Variants in RNF216 observed in about 807,000 individuals in gnomAD.
The protein encoded by RNF216 is ring finger protein 216.
Under a neutral mutation model 110.8 loss-of-function variants are expected in RNF216, and 72 were observed. That is an observed-to-expected ratio of 0.65 (90% CI 0.54 to 0.79). The LOEUF (loss-of-function observed/expected upper bound fraction) is 0.79. Among genes scored for constraint, RNF216 ranks in the 30% least tolerant of loss-of-function variants. The pLI is 0.00. For missense variants in RNF216, 1,342 were observed against 1,141.2 expected (o/e 1.18, Z -2.54); for synonymous variants, 495 against 407.5 (o/e 1.21, Z -2.59).
intron 13 of RNF216, among the ~76,000 whole-genome samples, chr7:5,683,756 T>C (rs1018947517): frequency 6.6e-6 from 1 of 152,164 alleles, no homozygotes; most frequent in Admixed American, 6.5e-5. Flanking sequence ...AGCACAGCAG[T>C]AGATAATCAA....
rs375324333 is a variant in RNF216 at position 5,689,598 on chromosome 7, T to C, written c.2061+22163A>G. Among the ~76,000 whole-genome samples the C allele has an allele frequency of 2.0e-5, 3 of 151,986 alleles. No individual in the cohort carries two copies. The East Asian group carries it at 5.8e-4, about 29-fold the overall frequency. On this transcript the variant is annotated intron_variant, in intron 13 of 16. Coordinates refer to ENST00000389902, the MANE Select transcript of RNF216 (RefSeq NM_207111.4). ...AGTTTTTAAAGCATAAGAAATGTAG[T>C]TTTAGGGCTGTAATTACATGATAGA... is the stretch of plus-strand genomic sequence containing the variant.
chr7:5,689,501 A>T (rs1791194675), intron 13 of RNF216, among the ~76,000 whole-genome samples: 1 of 150,808 alleles, frequency 6.6e-6, no homozygotes, highest in Non-Finnish European at 1.5e-5. Context: ...GCCATTTTCT[A>T]AAAAAAAACA....
intron 8 of RNF216, among the ~76,000 whole-genome samples, chr7:5,722,824 C>T (rs1410339913): frequency 6.6e-6 from 1 of 150,856 alleles, no homozygotes; most frequent in East Asian, 1.9e-4. Context: ...GAGTTCGAGA[C>T]CAACCTGTCC....
intron 9 of RNF216, among the ~76,000 whole-genome samples, chr7:5,719,077 T>C (rs1021421499): frequency 1.3e-5 from 2 of 152,134 alleles, no homozygotes; most frequent in African/African-American, 4.8e-5. Flanking sequence ...CCAAGACTTT[T>C]AGCATCAGAG....
At chr7:5,724,593 A>G (rs146988588) in intron 8 of RNF216, among the ~76,000 whole-genome samples, 2,617 of 152,332 alleles carry the variant, frequency 0.017, 31 homozygotes, top group Non-Finnish European at 0.028. Context: ...GAACCTCAGG[A>G]GTCACAGCCT....
intron 15 of RNF216, among the ~76,000 whole-genome samples, chr7:5,628,602 A>G (rs1057228676): frequency 2.0e-5 from 3 of 151,998 alleles, no homozygotes; most frequent in African/African-American, 7.2e-5. Context: ...AGATCACTGC[A>G]GCCTCCACCT....
In RNF216 at chr7:5,741,632, C is replaced by G; in HGVS notation, c.385G>C (p.Asp129His). Residue 129 changes from aspartate (D) to histidine (H), a missense_variant, in exon 4 of 17, where the codon GAT becomes CAT. Coordinates refer to ENST00000389902, the MANE Select transcript of RNF216 (RefSeq NM_207111.4). ...AGATCCAGAAATTCACCGTAGTCAT[C>G]CTCAGAATCATCCTGTGCCCCAGAA... ...FDSGAQDDSE[D>H]DYGEFLDLGP... is the part of the protein sequence containing the mutation. 6.2e-7 allele frequency: 1 copy of G among 1,614,120 alleles called. No individual in the cohort carries two copies. Among genetic ancestry groups the G allele is most frequent in the African/African-American group, 1.3e-5 (1 of 75,006 alleles).
rs1786562297 is a variant in RNF216 at position 5,624,119 on chromosome 7, C to T, written c.2389G>A (p.Asp797Asn). The T allele has an allele frequency of 6.2e-7, 1 of 1,613,324 alleles. No individual in the cohort carries two copies. Among genetic ancestry groups the T allele is most frequent in the Non-Finnish European group, 8.5e-7 (1 of 1,179,866 alleles). The change falls in exon 16 of 17, where the codon GAT (aspartate) becomes AAT (asparagine). Residue 797 changes from aspartate to asparagine, a missense_variant. Transcript: ENST00000389902. This position sits in a 1 kb window ranked among gnomAD's most constrained non-coding sequence, Gnocchi z 4.4. ...TGGATTTCCTCAATAAGCTTCTCAT[C>T]ATCTTCCTAAAACGCAAGCAATGAG... is the stretch of plus-strand genomic sequence containing the variant. ...CSLWTDPTEDDEKLIEEIQKE... is the reference protein window; with the variant it reads ...CSLWTDPTEDNEKLIEEIQKE...
At chr7:5,660,458 A>G (rs184669995) in intron 13 of RNF216, among the ~76,000 whole-genome samples, 2 of 150,244 alleles carry the variant, frequency 1.3e-5, no homozygotes, top group African/African-American at 4.9e-5. Context: ...CACCTGGCTA[A>G]TTTTTCTATT....
chr7:5,623,819 A>ACC (rs1170658106), intron 16 of RNF216, among the ~76,000 whole-genome samples: 1 of 151,824 alleles, frequency 6.6e-6, no homozygotes, highest in African/African-American at 2.4e-5. Context: ...GCTCAAACCC[A>ACC]CCCCTTGGGA....
rs868088082 is a variant in RNF216 at position 5,666,161 on chromosome 7, G to A, written c.2062-13651C>T. Among the ~76,000 whole-genome samples, 402 of 135,342 alleles carry A rather than the reference G, an allele frequency of 3.0e-3. 3 individuals are homozygous for A. Among genetic ancestry groups the A allele is most frequent in the Non-Finnish European group, 4.6e-3 (295 of 64,744 alleles). The allele number at this position is 135,342 out of a possible 152,430, so 88.8% of individuals were successfully genotyped here. ...AGCCTGGGCGACAGAGTGAGACTCCGTCTCAAAAAAAAAAAAAAAAAAAAT... is the reference window on the plus strand; with the variant it reads ...AGCCTGGGCGACAGAGTGAGACTCCATCTCAAAAAAAAAAAAAAAAAAAAT... On this transcript the variant is annotated intron_variant, in intron 13 of 16. Coordinates refer to ENST00000389902, the MANE Select transcript of RNF216 (RefSeq NM_207111.4).
intron 5 of RNF216, among the ~76,000 whole-genome samples, chr7:5,732,472 G>A (rs536878973): frequency 5.3e-5 from 8 of 152,274 alleles, no homozygotes; most frequent in African/African-American, 1.9e-4. Context: ...ATGTTTGAGA[G>A]GTTCATCTCT....
At chr7:5,654,042 AG>A (rs958862124) in intron 13 of RNF216, among the ~76,000 whole-genome samples, 2 of 152,338 alleles carry the variant, frequency 1.3e-5, no homozygotes, top group Admixed American at 1.3e-4. Context: ...TAACACGATC[AG>A]GTATGTCTTT....
At position 5,696,190 on chromosome 7, in the gene RNF216, GC is replaced by G. The variant is rs774274552; in HGVS notation, c.2061+15570del. On this transcript the variant is annotated intron_variant, in intron 13 of 16. Transcript: ENST00000389902. This position sits in a 1 kb window ranked among gnomAD's most constrained non-coding sequence, Gnocchi z 5.4. ...GACGAAGAGCAGTTGGTACCGCATG[GC>G]TTTAAATTGTTTGTATTTCTGTCAG... is the stretch of plus-strand genomic sequence containing the variant. Among the ~76,000 whole-genome samples the G allele has an allele frequency of 5.3e-5, 8 of 152,154 alleles. 1 individual carries two copies. The highest frequency in any genetic ancestry group is 1.0e-4 in the Non-Finnish European group (7 of 68,022).
At chr7:5,776,302 A>G (rs1030950886) in intron 1 of RNF216, among the ~76,000 whole-genome samples, 1 of 152,070 alleles carries the variant, frequency 6.6e-6, no homozygotes, top group Admixed American at 6.6e-5. Context: ...AAGAGACTAT[A>G]GCCGGGCACG....
At chr7:5,653,006 G>A (rs1318988310) in intron 13 of RNF216, among the ~76,000 whole-genome samples, 1 of 152,172 alleles carries the variant, frequency 6.6e-6, no homozygotes, top group Non-Finnish European at 1.5e-5. Flanking sequence ...AGCACGAGCT[G>A]CTTGGCAGGG....
At position 5,696,779 on chromosome 7, in the gene RNF216, C is replaced by T. The variant is rs944154238; in HGVS notation, c.2061+14982G>A. 1.3e-5 allele frequency among the ~76,000 whole-genome samples: 2 copies of T among 152,160 alleles called. No homozygotes were observed. Among genetic ancestry groups the T allele is most frequent in the African/African-American group, 2.4e-5 (1 of 41,434 alleles). On this transcript the variant is annotated intron_variant, in intron 13 of 16. Transcript: ENST00000389902. The surrounding 1 kb of genome is among the most constrained non-coding windows in gnomAD (Gnocchi z 5.4). Reference sequence around the variant, plus strand: ...GCAAATACCTGCAACATTGTACGAACGGGCTCTGGGAGGGCTGTAGGAGGA... The same window carrying T: ...GCAAATACCTGCAACATTGTACGAATGGGCTCTGGGAGGGCTGTAGGAGGA...
intron 1 of RNF216, among the ~76,000 whole-genome samples, chr7:5,762,195 C>G (rs555351482): frequency 6.6e-6 from 1 of 151,970 alleles, no homozygotes; most frequent in African/African-American, 2.4e-5. Flanking sequence ...TAAGTTAATA[C>G]AAAAATTTAA....
chr7:5,696,187 A>G lies in RNF216; in HGVS notation c.2061+15574T>C, dbSNP rs1380972348. 1.3e-5 allele frequency among the ~76,000 whole-genome samples: 2 copies of G among 152,210 alleles called. No homozygotes were observed. Among genetic ancestry groups the G allele is most frequent in the African/African-American group, 2.4e-5 (1 of 41,450 alleles). ...GGTGACGAAGAGCAGTTGGTACCGC[A>G]TGGCTTTAAATTGTTTGTATTTCTG... On this transcript the variant is annotated intron_variant, in intron 13 of 16. Coordinates refer to ENST00000389902, the MANE Select transcript of RNF216 (RefSeq NM_207111.4). This position sits in a 1 kb window ranked among gnomAD's most constrained non-coding sequence, Gnocchi z 5.4.
Sources: gnomAD v4.1 joint callset for allele counts (sites outside exome capture counted in the v4.1 genomes callset) on GRCh38, gnomAD v4.1.1 for gene constraint, Gnocchi (gnomAD v3.1) non-coding constraint, MANE v1.5 for transcripts, NCBI Gene and HGNC (gene_info 2026-07-23, HGNC 2026-07-21) for gene names.